KCNQ5: variants seen among roughly 807,000 people sequenced by gnomAD.
KCNQ5 encodes potassium voltage-gated channel subfamily KQT member 5.
Under a neutral mutation model 98.2 loss-of-function variants are expected in KCNQ5, and 30 were observed. The observed-to-expected ratio is 0.31, with a 90% CI of 0.23 to 0.41. KCNQ5 has a LOEUF of 0.41. Ranked by LOEUF, KCNQ5 falls within the 10% of genes least tolerant of loss-of-function variation. The pLI is 1.00. For missense variants in KCNQ5, 835 were observed against 1,182.5 expected, an observed-to-expected ratio of 0.71 and a Z score of 4.31; for synonymous variants, 458 against 449.4, an observed-to-expected ratio of 1.02 and a Z score of -0.24.
chr6:73,094,754 T>C (rs1774408254), intron 5 of KCNQ5, among the ~76,000 whole-genome samples: 1 of 152,306 alleles, frequency 6.6e-6, no homozygotes, highest in Non-Finnish European at 1.5e-5. Flanking sequence ...AAGGCCCCAA[T>C]ACCTTCTAGC....
intron 1 of KCNQ5, among the ~76,000 whole-genome samples, chr6:72,812,730 A>C (rs1001766279): frequency 6.6e-6 from 1 of 152,210 alleles, no homozygotes; most frequent in Non-Finnish European, 1.5e-5. Flanking sequence ...TAGAAGCCAT[A>C]GTAAGTGGCA....
intron 1 of KCNQ5, among the ~76,000 whole-genome samples, chr6:72,906,098 G>T (rs967401493): frequency 2.0e-5 from 3 of 152,102 alleles, no homozygotes; most frequent in Non-Finnish European, 4.4e-5. Flanking sequence ...TGGGGGTGAG[G>T]TTTCCAGGTT....
chr6:72,867,783 A>C (rs545805961), intron 1 of KCNQ5, among the ~76,000 whole-genome samples: 11 of 151,888 alleles, frequency 7.2e-5, no homozygotes, highest in Non-Finnish European at 1.5e-4. Context: ...TAAAAAAAAA[A>C]AATTAACCAA....
chr6:72,903,409 A>T (rs1690394202), intron 1 of KCNQ5, among the ~76,000 whole-genome samples: 1 of 151,982 alleles, frequency 6.6e-6, no homozygotes, highest in Non-Finnish European at 1.5e-5. Flanking sequence ...TAGTTCCTTG[A>T]GGTGTGACGT....
At chr6:72,804,739 C>T (rs889773916) in intron 1 of KCNQ5, among the ~76,000 whole-genome samples, 3 of 152,140 alleles carry the variant, frequency 2.0e-5, no homozygotes, top group African/African-American at 7.2e-5. Context: ...GAACCTCCAA[C>T]TGTTCTCCAT....
intron 2 of KCNQ5, among the ~76,000 whole-genome samples, chr6:73,024,363 G>A (rs1028584606): frequency 1.3e-4 from 5 of 39,958 alleles, no homozygotes; most frequent in Non-Finnish European, 2.7e-4. Context: ...AACTGAAAGC[G>A]ATAGATAGAT....
rs750945357 is a variant in KCNQ5, at chr6:73,194,597, T to C, written c.1982T>C (p.Val661Ala). 2 of 1,614,214 alleles carry C rather than the reference T, an allele frequency of 1.2e-6. No homozygotes were observed. Among genetic ancestry groups the C allele is most frequent in the East Asian group, 4.5e-5 (2 of 44,880 alleles). The stretch of plus-strand genomic sequence containing the variant: ...CAGACATCTGACTATCAAAGCCCTG[T>C]GGATAGCAAAGATCTTTCGGGTTCC... ...CEQTSDYQSPVDSKDLSGSAQ... is the reference protein window; with the variant it reads ...CEQTSDYQSPADSKDLSGSAQ... The change falls in exon 14 of 14, where the codon GTG becomes GCG. Residue 661 changes from valine to alanine, a missense_variant. Val to Ala is a moderately conservative substitution (Grantham distance 64). This residue lies in a region of KCNQ5 where 416 missense variants were observed against 446.9 expected (regional missense o/e 0.93). Coordinates refer to ENST00000370398, the MANE Select transcript of KCNQ5 (RefSeq NM_019842.4).
rs1051228278 is a variant in KCNQ5, at chr6:72,674,182, C to A, written c.398+51595C>A. ...AATATCTATCTGTATGTCTGCCTAT[C>A]TGTCTATCTATCTGTCCATCATCCA... On this transcript the variant is annotated intron_variant, in intron 1 of 13. Transcript: ENST00000370398. Among the ~76,000 whole-genome samples, 3 of 151,950 alleles carry A rather than the reference C, an allele frequency of 2.0e-5. No homozygotes were observed. The East Asian group carries it at 5.8e-4, about 29-fold the overall frequency.
intron 1 of KCNQ5, among the ~76,000 whole-genome samples, chr6:72,923,154 G>T (rs1780482355): frequency 6.6e-6 from 1 of 152,052 alleles, no homozygotes; most frequent in Admixed American, 6.6e-5. Flanking sequence ...TGGACACTTA[G>T]GTTGATTCTG....
At chr6:73,018,619 G>T (rs905881116) in intron 2 of KCNQ5, among the ~76,000 whole-genome samples, 14 of 152,032 alleles carry the variant, frequency 9.2e-5, no homozygotes, top group Admixed American at 2.0e-4. Context: ...TATAACAGCT[G>T]TACACTGAGA....
chr6:73,132,310 TCTTCA>T (rs1776270505), intron 9 of KCNQ5, among the ~76,000 whole-genome samples: 1 of 152,104 alleles, frequency 6.6e-6, no homozygotes, highest in African/African-American at 2.4e-5. Flanking sequence ...GCCCAGGATT[TCTTCA>T]GGCCCTGCAG....
At chr6:72,711,433 A>G (rs573803871) in intron 1 of KCNQ5, among the ~76,000 whole-genome samples, 1 of 152,286 alleles carries the variant, frequency 6.6e-6, no homozygotes, top group African/African-American at 2.4e-5. Context: ...AGCATAAAGG[A>G]ACAACATGTG....
At position 72,924,361 on chromosome 6, in the gene KCNQ5, C is replaced by A. The variant is rs574359285; in HGVS notation, c.399-79547C>A. On this transcript the variant is annotated intron_variant, in intron 1 of 13. Coordinates refer to ENST00000370398, the MANE Select transcript of KCNQ5 (RefSeq NM_019842.4). ...TTCTGAACAGAAATTAATATTGGAA[C>A]TATCAAGTCAGTAATTTTATTTGAA... 7.9e-5 allele frequency among the ~76,000 whole-genome samples: 12 copies of A among 152,262 alleles called. No individual in the cohort carries two copies. The East Asian group carries it at 1.3e-3, about 17-fold the overall frequency.
At chr6:73,077,565 A>G in intron 4 of KCNQ5, 68 bp downstream of exon 4, 2 of 1,477,820 alleles carry the variant, frequency 1.4e-6, no homozygotes, top group Non-Finnish European at 1.8e-6. Context: ...TGTAATAGTT[A>G]ATAAACCTGT....
chr6:73,167,002 G>C (rs1777828493), intron 10 of KCNQ5, among the ~76,000 whole-genome samples: 2 of 152,136 alleles, frequency 1.3e-5, no homozygotes, highest in Non-Finnish European at 2.9e-5. Context: ...TGTTCCACGT[G>C]GACATAAATC....
intron 1 of KCNQ5, among the ~76,000 whole-genome samples, chr6:72,751,810 A>C (rs1390101971): frequency 6.6e-6 from 1 of 152,094 alleles, no homozygotes; most frequent in Non-Finnish European, 1.5e-5. Flanking sequence ...TTATTCATTC[A>C]TTATTACTCG....
In KCNQ5 at chr6:72,966,728, T is replaced by C. The variant is rs1767637795; in HGVS notation, c.399-37180T>C. Among the ~76,000 whole-genome samples, 10 of 152,232 alleles carry C rather than the reference T, an allele frequency of 6.6e-5. No individual in the cohort carries two copies. In the South Asian group the frequency reaches 2.1e-3, roughly 31 times the overall value. On this transcript the variant is annotated intron_variant, in intron 1 of 13. Coordinates refer to ENST00000370398, the MANE Select transcript of KCNQ5 (RefSeq NM_019842.4). ...CAATTTAAAATCCATGACTGGATCATGAGCAGGGCAAAGTGAGAGGCATTG... is the reference window on the plus strand; with the variant it reads ...CAATTTAAAATCCATGACTGGATCACGAGCAGGGCAAAGTGAGAGGCATTG...
intron 2 of KCNQ5, among the ~76,000 whole-genome samples, chr6:73,025,467 C>CA (rs1456280781): frequency 6.6e-6 from 1 of 151,538 alleles, no homozygotes; most frequent in African/African-American, 2.4e-5. Flanking sequence ...ACTAAAAATA[C>CA]AAAAAAATTA....
At chr6:73,137,743 A>G (rs933237080) in intron 10 of KCNQ5, among the ~76,000 whole-genome samples, 1 of 152,182 alleles carries the variant, frequency 6.6e-6, no homozygotes, top group Non-Finnish European at 1.5e-5. Context: ...TAACTTGCCC[A>G]AGGTCTAGCA....
Sources: gnomAD v4.1 joint callset for allele counts (sites outside exome capture counted in the v4.1 genomes callset) on GRCh38, gnomAD v4.1.1 for gene constraint, gnomAD v4.1.1 regional missense constraint, MANE v1.5 for transcripts, NCBI Gene and HGNC (gene_info 2026-07-23, HGNC 2026-07-21) for gene names.